Variants in EIPR1 observed in about 807,000 individuals in gnomAD.
The protein encoded by EIPR1 is EARP and GARP complex-interacting protein 1.
In EIPR1, 25 loss-of-function variants were observed where a neutral mutation model predicts 48.1. The observed-to-expected ratio is 0.52, with a 90% CI of 0.38 to 0.73. The LOEUF is 0.73. Ranked by LOEUF, EIPR1 falls within the 30% of genes least tolerant of loss-of-function variation. EIPR1 has a pLI of 0.00. For synonymous variants in EIPR1, 204 were observed against 201.9 expected, an observed-to-expected ratio of 1.01 and a Z score of -0.09; for missense variants, 415 against 506.2, an observed-to-expected ratio of 0.82 and a Z score of 1.73.
chr2:3,194,648 A>G (rs1228644323), intron 6 of EIPR1, among the ~76,000 whole-genome samples: 1 of 152,082 alleles, frequency 6.6e-6, no homozygotes, highest in Non-Finnish European at 1.5e-5. Flanking sequence ...ATACAACACA[A>G]AATATCTATC....
At chr2:3,280,385 C>T (rs376107032) in intron 3 of EIPR1, among the ~76,000 whole-genome samples, 5 of 152,138 alleles carry the variant, frequency 3.3e-5, no homozygotes, top group Middle Eastern at 3.2e-3. Flanking sequence ...CCAGGTGCCT[C>T]GAGGCGGCAT....
At chr2:3,220,540 A>G (rs1665846480) in intron 4 of EIPR1, among the ~76,000 whole-genome samples, 1 of 151,922 alleles carries the variant, frequency 6.6e-6, no homozygotes. Flanking sequence ...CACAATGACC[A>G]TGGTACACTC....
chr2:3,209,366 G>A lies in EIPR1; in HGVS notation c.516+4783C>T, dbSNP rs369278111. 1.2e-3 allele frequency among the ~76,000 whole-genome samples: 181 copies of A among 152,240 alleles called. 3 individuals carry two copies. The South Asian group carries it at 0.035, about 29-fold the overall frequency. ...CACAAAACCTCTAGACAGAAACCAC[G>A]TACTCCAGACAAGCAGCCCAGAAAA... On this transcript the variant is annotated intron_variant, in intron 5 of 8. Coordinates refer to ENST00000382125, the MANE Select transcript of EIPR1 (RefSeq NM_003310.5).
chr2:3,300,972 C>G (rs1293105569), intron 3 of EIPR1: 1 of 152,048 alleles, frequency 6.6e-6, no homozygotes, highest in East Asian at 1.9e-4. Flanking sequence ...AGAGGCCAGC[C>G]TGATGAATGA....
intron 1 of EIPR1, among the ~76,000 whole-genome samples, chr2:3,355,812 T>TAAATAAAATA (rs10581799): frequency 4.2e-4 from 63 of 148,920 alleles, no homozygotes; most frequent in Admixed American, 1.1e-3. Context: ...AGACCCTGTC[T>TAAATAAAATA]AAATAAAATA....
At position 3,359,660 on chromosome 2, in the gene EIPR1, T is replaced by C. The variant is rs6739401; in HGVS notation, c.43-5027A>G. ...AAAAATTATTTAATTTGGGCCATTC[T>C]GGTGACAGATCTCCAAGTGTATAAT... is the stretch of plus-strand genomic sequence containing the variant. On this transcript the variant is annotated intron_variant, in intron 1 of 8. Transcript: ENST00000382125. Among the ~76,000 whole-genome samples, 736 of 152,360 alleles carry C rather than the reference T, an allele frequency of 4.8e-3. 6 individuals are homozygous for C. The highest frequency in any genetic ancestry group is 0.016 in the African/African-American group (686 of 41,578).
chr2:3,279,027 A>G (rs1456430587), intron 3 of EIPR1, among the ~76,000 whole-genome samples: 3 of 152,202 alleles, frequency 2.0e-5, no homozygotes, highest in Admixed American at 6.5e-5. Flanking sequence ...CTTGACATCA[A>G]ACTACTTTCT....
chr2:3,256,160 G>A (rs983009857), intron 4 of EIPR1, among the ~76,000 whole-genome samples: 1 of 152,210 alleles, frequency 6.6e-6, no homozygotes, highest in African/African-American at 2.4e-5. Context: ...CTGATACACA[G>A]AGAGCATCCG....
At chr2:3,359,348 T>C (rs1347074786) in intron 1 of EIPR1, among the ~76,000 whole-genome samples, 1 of 152,166 alleles carries the variant, frequency 6.6e-6, no homozygotes, top group African/African-American at 2.4e-5. Flanking sequence ...CGGTATTCAA[T>C]TTACTCCACT....
intron 3 of EIPR1, among the ~76,000 whole-genome samples, chr2:3,289,730 C>G (rs374988266): frequency 3.3e-4 from 51 of 152,356 alleles, no homozygotes; most frequent in African/African-American, 1.2e-3. Flanking sequence ...CTTCAGCAGA[C>G]GAGTAGACAC....
chr2:3,286,020 G>T lies in EIPR1; in HGVS notation c.260-28565C>A, dbSNP rs1259723057. Among the ~76,000 whole-genome samples, 2 of 152,196 alleles carry T rather than the reference G, an allele frequency of 1.3e-5. No individual in the cohort carries two copies. The highest frequency in any genetic ancestry group is 4.8e-5 in the African/African-American group (2 of 41,450). On this transcript the variant is annotated intron_variant, in intron 3 of 8. Coordinates refer to ENST00000382125, the MANE Select transcript of EIPR1 (RefSeq NM_003310.5). The surrounding 1 kb of genome is among the most constrained non-coding windows in gnomAD (Gnocchi z 4.2). ...CTGCCCTGAGGACATGGGGCAGCCG[G>T]CTGTAGGTGTTCCAGCTGTGGCTCC...
intron 5 of EIPR1, among the ~76,000 whole-genome samples, chr2:3,200,095 G>T (rs1664975226): frequency 2.0e-5 from 3 of 152,090 alleles, no homozygotes; most frequent in African/African-American, 7.2e-5. Flanking sequence ...GCTGGGAGAA[G>T]AATAGCCATG....
intron 4 of EIPR1, among the ~76,000 whole-genome samples, chr2:3,216,093 G>A (rs750471570): frequency 2.2e-4 from 33 of 152,158 alleles, no homozygotes; most frequent in Admixed American, 6.5e-4. Flanking sequence ...ACTTCTCTCC[G>A]TAGCCCAGTT....
intron 1 of EIPR1, among the ~76,000 whole-genome samples, chr2:3,367,998 T>G (rs1431957544): frequency 6.6e-6 from 1 of 151,968 alleles, no homozygotes; most frequent in Non-Finnish European, 1.5e-5. Flanking sequence ...TGAGTTGAGA[T>G]CGCGCCACTG....
At chr2:3,209,973 C>A (rs569783849) in intron 5 of EIPR1, among the ~76,000 whole-genome samples, 31 of 152,238 alleles carry the variant, frequency 2.0e-4, no homozygotes, top group African/African-American at 7.2e-4. Context: ...ACACATTTGT[C>A]CAAACCCACA....
At chr2:3,344,808 A>C (rs1376455218) in intron 2 of EIPR1, among the ~76,000 whole-genome samples, 1 of 151,666 alleles carries the variant, frequency 6.6e-6, no homozygotes, top group Non-Finnish European at 1.5e-5. Context: ...ACGCCCAGCT[A>C]ATTTTTGTAT....
intron 4 of EIPR1, among the ~76,000 whole-genome samples, chr2:3,247,814 T>A (rs892766767): frequency 6.6e-6 from 1 of 152,264 alleles, no homozygotes; most frequent in African/African-American, 2.4e-5. Context: ...ACCTTTCTTA[T>A]CTACTCTTGG....
At chr2:3,255,658 C>A (rs1359348939) in intron 4 of EIPR1, among the ~76,000 whole-genome samples, 5 of 152,172 alleles carry the variant, frequency 3.3e-5, no homozygotes, top group Non-Finnish European at 5.9e-5. Context: ...GGCCAAGGTC[C>A]CTTTTCTGAG....
intron 1 of EIPR1, among the ~76,000 whole-genome samples, chr2:3,367,082 C>T (rs367929101): frequency 9.3e-5 from 13 of 140,386 alleles, no homozygotes; most frequent in African/African-American, 1.6e-4. Context: ...TAAAAATAAA[C>T]GAAAATAAAT....
Sources: allele counts gnomAD v4.1 joint callset (sites outside exome capture counted in the v4.1 genomes callset), GRCh38; gene constraint gnomAD v4.1.1; non-coding constraint Gnocchi (gnomAD v3.1); transcripts MANE v1.5; gene names NCBI Gene and HGNC (gene_info 2026-07-23, HGNC 2026-07-21).